Variants in CD200R1L observed in about 807,000 individuals in gnomAD.
CD200R1L encodes CD200 receptor 1 like, also known as cell surface glycoprotein CD200 receptor 2.
CD200R1L carries 14 observed loss-of-function variants against 24.8 expected under a neutral mutation model. That is an observed-to-expected ratio of 0.56 (90% CI 0.37 to 0.88). The LOEUF is 0.88. CD200R1L is among the 40% of genes least tolerant of loss of function. CD200R1L has a pLI of 0.00. For synonymous variants in CD200R1L, 111 were observed against 109.2 expected, an observed-to-expected ratio of 1.02 and a Z score of -0.11; for missense variants, 299 against 297.8, an observed-to-expected ratio of 1.00 and a Z score of -0.03.
intron 3 of CD200R1L, among the ~76,000 whole-genome samples, chr3:112,830,394 A>T (rs1938767293): frequency 6.6e-6 from 1 of 151,714 alleles, no homozygotes; most frequent in Non-Finnish European, 1.5e-5. Context: ...AGGTGTTACC[A>T]TTATTCACCT....
intron 1 of CD200R1L, among the ~76,000 whole-genome samples, chr3:112,846,379 T>C (rs920388373): frequency 3.9e-5 from 6 of 152,258 alleles, no homozygotes; most frequent in African/African-American, 1.2e-4. Context: ...CACAATTTAT[T>C]CATCAATTTC....
At chr3:112,843,932 G>T (rs146007324) in intron 2 of CD200R1L, among the ~76,000 whole-genome samples, 7 of 151,942 alleles carry the variant, frequency 4.6e-5, no homozygotes, top group Admixed American at 4.6e-4. Flanking sequence ...GAATTTAAAC[G>T]AACAACAATA....
At chr3:112,840,692 A>G (rs1310871096) in intron 2 of CD200R1L, among the ~76,000 whole-genome samples, 1 of 152,212 alleles carries the variant, frequency 6.6e-6, no homozygotes, top group Non-Finnish European at 1.5e-5. Context: ...GAACTGCTTC[A>G]GTATATGGAA....
In CD200R1L at chr3:112,827,210, C is replaced by A; in HGVS notation, c.399G>T (p.Arg133Ser). ...VTPEVNLFQS[R>S]NITAVCKAVT... Reference sequence around the variant, plus strand: ...CTGCCTTGCATACTGCAGTTATATTCCTGCTTTGAAATAGGTTCACTTCGG... The same window carrying A: ...CTGCCTTGCATACTGCAGTTATATTACTGCTTTGAAATAGGTTCACTTCGG... The change falls in exon 6 of 8, where the codon AGG becomes AGT. Residue 133 changes from arginine to serine, a missense_variant. Physicochemically the swap from Arg to Ser is moderately radical, Grantham distance 110. Coordinates refer to ENST00000488794, the MANE Select transcript of CD200R1L (RefSeq NM_001199215.3). The A allele has an allele frequency of 6.2e-7, 1 of 1,612,946 alleles. No homozygotes were observed. The highest frequency in any genetic ancestry group is 8.5e-7 in the Non-Finnish European group (1 of 1,179,702).
Position 112,845,763 on chromosome 3 carries a change from A to G in CD200R1L, c.-171T>C. 6.5e-7 allele frequency: 1 copy of G among 1,543,916 alleles called. No homozygotes were observed. The highest frequency in any genetic ancestry group is 8.9e-7 in the Non-Finnish European group (1 of 1,118,680). The stretch of plus-strand genomic sequence containing the variant: ...TGCTTTTGGAGTGGTTTTCTACTTA[A>G]ACATAAATCCACTTTAAATCAATCA... On this transcript the variant is annotated 5_prime_UTR_variant, in exon 2 of 8. Coordinates refer to ENST00000488794, the MANE Select transcript of CD200R1L (RefSeq NM_001199215.3).
In CD200R1L at chr3:112,819,846, A is replaced by G. The variant is rs774519844; in HGVS notation, c.666T>C (p.Tyr222=). 1.9e-6 allele frequency: 3 copies of G among 1,611,468 alleles called. No individual in the cohort carries two copies. Among genetic ancestry groups the G allele is most frequent in the South Asian group, 1.1e-5 (1 of 90,404 alleles). ...SPALSLLIIL[Y]VKLSLFVVIL... is the part of the protein sequence containing the mutation. ...TGACCACAAAAAGAGAGAGTTTCAC[A>G]TAAAGAATGATCAGTAAGGACAACG... is the stretch of plus-strand genomic sequence containing the variant. Residue 222 remains tyrosine, a synonymous_variant, in exon 7 of 8, where the codon TAT becomes TAC. Transcript: ENST00000488794.
intron 3 of CD200R1L, among the ~76,000 whole-genome samples, chr3:112,835,609 G>C (rs1938921415): frequency 6.6e-6 from 1 of 152,220 alleles, no homozygotes; most frequent in African/African-American, 2.4e-5. Flanking sequence ...TTGAAGGTGG[G>C]GCTTCACCAG....
At chr3:112,831,212 T>C (rs776726745) in intron 3 of CD200R1L, among the ~76,000 whole-genome samples, 1 of 152,230 alleles carries the variant, frequency 6.6e-6, no homozygotes, top group African/African-American at 2.4e-5. Context: ...GTCTTCAGCT[T>C]GCAACTCAAA....
intron 2 of CD200R1L, among the ~76,000 whole-genome samples, chr3:112,843,807 C>G (rs1939135271): frequency 6.6e-6 from 1 of 151,858 alleles, no homozygotes; most frequent in Non-Finnish European, 1.5e-5. Flanking sequence ...AGAGACCTAT[C>G]TCACACAGAC....
At chr3:112,817,707 C>A (rs981943576) in intron 7 of CD200R1L, among the ~76,000 whole-genome samples, 1 of 152,212 alleles carries the variant, frequency 6.6e-6, no homozygotes, top group Non-Finnish European at 1.5e-5. Flanking sequence ...TTTGTTTCAG[C>A]AATTAAATAA....
intron 4 of CD200R1L, among the ~76,000 whole-genome samples, 184 bp from the exon 5 acceptor site, chr3:112,827,868 A>G (rs935653546): frequency 6.6e-5 from 10 of 152,212 alleles, no homozygotes; most frequent in Non-Finnish European, 1.5e-4. Context: ...ATTGAACCCA[A>G]TCTAAAGATT....
At chr3:112,839,653 C>T (rs535409067) in intron 2 of CD200R1L, among the ~76,000 whole-genome samples, 3 of 152,276 alleles carry the variant, frequency 2.0e-5, no homozygotes, top group Admixed American at 6.5e-5. Flanking sequence ...GTCAGAGTAT[C>T]CTCTGCTGGA....
chr3:112,830,639 C>G (rs776727480), intron 3 of CD200R1L, among the ~76,000 whole-genome samples: 2 of 151,412 alleles, frequency 1.3e-5, no homozygotes, highest in Non-Finnish European at 2.9e-5. Context: ...CAGAGCATAG[C>G]CTTTGTATCC....
intron 3 of CD200R1L, among the ~76,000 whole-genome samples, chr3:112,832,331 A>G (rs534993177): frequency 6.6e-6 from 1 of 152,358 alleles, no homozygotes; most frequent in East Asian, 1.9e-4. Context: ...CAAAGTCCAC[A>G]GACTTATACA....
chr3:112,826,200 C>T (rs563998414), intron 6 of CD200R1L, among the ~76,000 whole-genome samples: 7 of 151,546 alleles, frequency 4.6e-5, no homozygotes, highest in South Asian at 2.1e-4. Flanking sequence ...TTTATTAATA[C>T]GATATATATA....
chr3:112,845,624 A>G, intron 2 of CD200R1L, 55 bp downstream of exon 2: 1 of 1,365,186 alleles, frequency 7.3e-7, no homozygotes, highest in Non-Finnish European at 1.0e-6. Context: ...GTATCCTCAT[A>G]ATCATTGAAA....
At chr3:112,845,395 T>A (rs1008812479) in intron 2 of CD200R1L, among the ~76,000 whole-genome samples, 2 of 152,140 alleles carry the variant, frequency 1.3e-5, no homozygotes, top group African/African-American at 2.4e-5. Context: ...TCAGTAATTT[T>A]AAAAATCTAC....
At chr3:112,833,650 C>T (rs1020110760) in intron 3 of CD200R1L, among the ~76,000 whole-genome samples, 2 of 152,144 alleles carry the variant, frequency 1.3e-5, no homozygotes, top group African/African-American at 4.8e-5. Flanking sequence ...CTCAAGAGAA[C>T]ACCAGTCATT....
At chr3:112,837,294 A>C (rs559300610) in intron 3 of CD200R1L, among the ~76,000 whole-genome samples, 59 of 152,326 alleles carry the variant, frequency 3.9e-4, no homozygotes, top group South Asian at 3.3e-3. Context: ...CATTAAAAAA[A>C]TCAGTTCTTG....
Sources: allele counts gnomAD v4.1 joint callset (sites outside exome capture counted in the v4.1 genomes callset), GRCh38; gene constraint gnomAD v4.1.1; transcripts MANE v1.5; gene names NCBI Gene and HGNC (gene_info 2026-07-23, HGNC 2026-07-21).